The following PDE3A variants were observed in gnomAD, a reference collection of about 807,000 sequenced individuals.
The protein encoded by PDE3A is cGMP-inhibited 3',5'-cyclic phosphodiesterase 3A.
A neutral mutation model predicts 98.3 loss-of-function variants in PDE3A; 43 were observed. That is an observed-to-expected ratio of 0.44 (90% CI 0.34 to 0.56). The LOEUF is 0.56. Ranked by LOEUF, PDE3A falls within the 20% of genes least tolerant of loss-of-function variation. PDE3A has a pLI of 0.01. For synonymous variants in PDE3A, 663 were observed against 567.9 expected, an observed-to-expected ratio of 1.17 and a Z score of -2.38; for missense variants, 1,427 against 1,440.7, an observed-to-expected ratio of 0.99 and a Z score of 0.15.
At chr12:20,448,675 G>A (rs1206709455) in intron 1 of PDE3A, among the ~76,000 whole-genome samples, 1 of 151,468 alleles carries the variant, frequency 6.6e-6, no homozygotes, top group African/African-American at 2.4e-5. Context: ...GATGATACTG[G>A]TGTTTCTTAA....
At chr12:20,664,950 C>T (rs1945270920) in intron 15 of PDE3A, among the ~76,000 whole-genome samples, 1 of 152,158 alleles carries the variant, frequency 6.6e-6, no homozygotes, top group South Asian at 2.1e-4. Context: ...TGATTCCTCC[C>T]TCTTAATTCC....
In PDE3A at chr12:20,369,349, C is replaced by A. The variant is rs867041864; in HGVS notation, c.65C>A (p.Ala22Asp). 4 of 1,548,674 alleles carry A rather than the reference C, an allele frequency of 2.6e-6. No individual in the cohort carries two copies. The highest frequency in any genetic ancestry group is 1.2e-5 in the South Asian group (1 of 83,928). The change falls in exon 1 of 16, where the codon GCC (alanine) becomes GAC (aspartate). Residue 22 changes from alanine (A) to aspartate (D), a missense_variant. Physicochemically the swap from Ala to Asp is moderately radical, Grantham distance 126. This residue lies in a region of PDE3A where 1,012 missense variants were observed against 886.5 expected (regional missense o/e 1.14). Transcript: ENST00000359062. The part of the protein sequence containing the change: ...DKPVHSGVSQ[A>D]PTAGRDCHHR... The stretch of plus-strand genomic sequence containing the variant: ...CCCGTCCACAGTGGGGTGAGTCAAG[C>A]CCCCACGGCGGGCCGGGACTGCCAC...
intron 1 of PDE3A, chr12:20,551,988 C>T: frequency 6.2e-7 from 1 of 1,612,664 alleles, no homozygotes; most frequent in Non-Finnish European, 8.5e-7. Context: ...ATGGCCGGAG[C>T]AACGACGGAG....
At chr12:20,435,443 T>G (rs1944764287) in intron 1 of PDE3A, among the ~76,000 whole-genome samples, 1 of 152,156 alleles carries the variant, frequency 6.6e-6, no homozygotes, top group Non-Finnish European at 1.5e-5. Flanking sequence ...CAACCCCATA[T>G]TCCACTGATA....
chr12:20,453,299 G>A (rs561990784), intron 1 of PDE3A, among the ~76,000 whole-genome samples: 5 of 150,382 alleles, frequency 3.3e-5, no homozygotes, highest in African/African-American at 9.8e-5. Context: ...TCAGCCTCCC[G>A]AGTAGCTGGG....
chr12:20,589,540 G>C (rs1302687635), intron 2 of PDE3A, among the ~76,000 whole-genome samples: 2 of 152,178 alleles, frequency 1.3e-5, no homozygotes, highest in Non-Finnish European at 2.9e-5. Context: ...AGTATACCAA[G>C]AGCTTTGGAG....
At chr12:20,616,432 G>T (rs748796465) in intron 4 of PDE3A, 48 bp downstream of exon 4, 12 of 1,556,306 alleles carry the variant, frequency 7.7e-6, no homozygotes, top group Non-Finnish European at 8.8e-6. Context: ...GAAGTTACTT[G>T]CCAAAAATGA....
chr12:20,593,799 GA>G (rs1326185639), intron 2 of PDE3A, among the ~76,000 whole-genome samples: 7 of 152,160 alleles, frequency 4.6e-5, no homozygotes, highest in African/African-American at 1.7e-4. Flanking sequence ...CCAGAAGCTC[GA>G]AGGAGTGGTC....
intron 12 of PDE3A, among the ~76,000 whole-genome samples, chr12:20,648,174 T>C (rs991399180): frequency 6.6e-6 from 1 of 151,694 alleles, no homozygotes; most frequent in Non-Finnish European, 1.5e-5. Flanking sequence ...GGGTATTCCA[T>C]TCATCTTTAA....
intron 1 of PDE3A, among the ~76,000 whole-genome samples, chr12:20,381,823 T>G (rs1299161112): frequency 2.6e-5 from 4 of 152,076 alleles, no homozygotes; most frequent in African/African-American, 9.6e-5. Flanking sequence ...ATTGAATATT[T>G]GCTACATTGT....
intron 1 of PDE3A, among the ~76,000 whole-genome samples, chr12:20,502,816 C>T (rs777585052): frequency 2.6e-5 from 4 of 152,078 alleles, no homozygotes; most frequent in Non-Finnish European, 5.9e-5. Context: ...AGGGACACTT[C>T]GGGACATTCA....
chr12:20,454,536 G>A (rs1000123541), intron 1 of PDE3A, among the ~76,000 whole-genome samples: 1 of 152,096 alleles, frequency 6.6e-6, no homozygotes, highest in Non-Finnish European at 1.5e-5. Flanking sequence ...GTAAACTCAG[G>A]TCATGGAGGT....
Position 20,559,188 on chromosome 12 carries a change from C to G in PDE3A, c.1011+2478C>G, listed in dbSNP as rs142585919. Among the ~76,000 whole-genome samples the G allele has an allele frequency of 6.8e-3, 1,038 of 151,990 alleles. 4 individuals are homozygous for G. Among genetic ancestry groups the G allele is most frequent in the Non-Finnish European group, 0.011 (732 of 67,968 alleles). On this transcript the variant is annotated intron_variant, in intron 2 of 15. Coordinates refer to ENST00000359062, the MANE Select transcript of PDE3A (RefSeq NM_000921.5). ...TTTCTATGTTTAGATACACAAATAC[C>G]ATTTGTTACAATTGCCTACATTTTT...
intron 1 of PDE3A, among the ~76,000 whole-genome samples, chr12:20,386,083 ATATATAAATATATATAAAT>A (rs1364324506): frequency 8.9e-4 from 19 of 21,282 alleles, no homozygotes; most frequent in African/African-American, 2.3e-3. Context: ...ATATATATAA[ATATATAAATATATATAAAT>A]ATATATATAA....
In PDE3A at chr12:20,551,565, C is replaced by G. The variant is rs547884416; in HGVS notation, c.961-5095C>G. ...GCATGCTAACTAGTTACGCGACCCC[C>G]GAGCGGGTCTGCGCCTGCCACCTGT... On this transcript the variant is annotated intron_variant, in intron 1 of 15. Transcript: ENST00000359062. 1.3e-5 allele frequency: 20 copies of G among 1,506,104 alleles called. No homozygotes were observed. The South Asian group carries it at 2.3e-4, about 17-fold the overall frequency. The allele number at this position is 1,506,104 out of a possible 1,614,324, so 93.3% of individuals were successfully genotyped here.
At chr12:20,477,794 T>G (rs185302369) in intron 1 of PDE3A, among the ~76,000 whole-genome samples, 1 of 152,300 alleles carries the variant, frequency 6.6e-6, no homozygotes, top group Non-Finnish European at 1.5e-5. Flanking sequence ...AGAGTGAGAC[T>G]TTTTGAAAAC....
At chr12:20,509,817 C>CTA (rs35362486) in intron 1 of PDE3A, among the ~76,000 whole-genome samples, 39,591 of 151,780 alleles carry the variant, frequency 0.26, 6,159 homozygotes, top group East Asian at 0.6. Context: ...GAAACCATTA[C>CTA]TATAATGCTG....
rs140515358 is a variant in PDE3A, at chr12:20,369,980, C to T, written c.696C>T (p.Phe232=). The T allele has an allele frequency of 1.9e-5, 31 of 1,613,214 alleles. No individual in the cohort carries two copies. Among genetic ancestry groups the T allele is most frequent in the Non-Finnish European group, 2.6e-5 (31 of 1,180,008 alleles). Residue 232 remains phenylalanine (F), a synonymous_variant, in exon 1 of 16, where the codon TTC becomes TTT. Coordinates refer to ENST00000359062, the MANE Select transcript of PDE3A (RefSeq NM_000921.5). The part of the protein sequence containing the change: ...RTVSLISLER[F]KVAWRPYLAY... Reference sequence around the variant, plus strand: ...TGTCCCTCATTTCCTTAGAGAGGTTCAAGGTCGCCTGGAGACCTTACCTGG... The same window carrying T: ...TGTCCCTCATTTCCTTAGAGAGGTTTAAGGTCGCCTGGAGACCTTACCTGG...
chr12:20,369,746 G>A lies in PDE3A; in HGVS notation c.462G>A (p.Gly154=), dbSNP rs1474740659. 1.2e-6 allele frequency: 2 copies of A among 1,612,392 alleles called. No homozygotes were observed. Among genetic ancestry groups the A allele is most frequent in the South Asian group, 2.2e-5 (2 of 91,062 alleles). The change falls in exon 1 of 16, where the codon GGG becomes GGA. Residue 154 remains glycine (G), a synonymous_variant. Transcript: ENST00000359062. ...TGGGCTTGTACCTCCTGCGCGCCGG[G>A]GTGCGCCTGCCTCTGGCTGTCGCGC... The part of the protein sequence containing the change: ...FWMGLYLLRA[G]VRLPLAVALL...
Sources: gnomAD v4.1 joint callset for allele counts (sites outside exome capture counted in the v4.1 genomes callset) on GRCh38, gnomAD v4.1.1 for gene constraint, gnomAD v4.1.1 regional missense constraint, MANE v1.5 for transcripts, NCBI Gene and HGNC (gene_info 2026-07-23, HGNC 2026-07-21) for gene names.